ADAMDEC1: variants seen among roughly 807,000 people sequenced by gnomAD.
ADAMDEC1 encodes the protein ADAM like decysin 1.
A neutral mutation model predicts 60.4 loss-of-function variants in ADAMDEC1; 62 were observed. The ratio of observed to expected loss-of-function variants is 1.03; its 90% confidence interval spans 0.84 to 1.27. The LOEUF (loss-of-function observed/expected upper bound fraction) is 1.27. Among genes scored for constraint, ADAMDEC1 ranks in the 50% most tolerant of loss-of-function variants. The pLI, the probability that ADAMDEC1 is intolerant of heterozygous loss-of-function variation, is 0.00. For synonymous variants in ADAMDEC1, 210 were observed against 195.1 expected, an observed-to-expected ratio of 1.08 and a Z score of -0.64; for missense variants, 595 against 565.0, an observed-to-expected ratio of 1.05 and a Z score of -0.54.
intron 2 of ADAMDEC1, among the ~76,000 whole-genome samples, chr8:24,392,866 A>AATTCTTAGTGGGTTG (rs1817481382): frequency 9.2e-6 from 1 of 109,256 alleles, no homozygotes; most frequent in Non-Finnish European, 2.0e-5. Context: ...ATTGTTACCT[A>AATTCTTAGTGGGTTG]ATTCTTAGTG....
At chr8:24,397,825 C>T in intron 7 of ADAMDEC1, 80 bp downstream of exon 7, 1 of 1,345,852 alleles carries the variant, frequency 7.4e-7, no homozygotes, top group South Asian at 1.3e-5. Flanking sequence ...AAGCAATAAA[C>T]TATTTTAGCT....
At chr8:24,389,165 G>A (rs959677353) in intron 1 of ADAMDEC1, among the ~76,000 whole-genome samples, 3 of 152,142 alleles carry the variant, frequency 2.0e-5, no homozygotes, top group Non-Finnish European at 4.4e-5. Context: ...TGCCAGATTA[G>A]CATCCAAGAT....
At chr8:24,405,210 T>C (rs963191175) in intron 13 of ADAMDEC1, 82 bp from the exon 14 acceptor site, 4 of 1,287,208 alleles carry the variant, frequency 3.1e-6, no homozygotes, top group Admixed American at 3.6e-5. Flanking sequence ...TTAAATTCTA[T>C]ACATTTTCAT....
At chr8:24,386,559 T>C (rs1817298578) in intron 1 of ADAMDEC1, among the ~76,000 whole-genome samples, 1 of 152,144 alleles carries the variant, frequency 6.6e-6, no homozygotes, top group South Asian at 2.1e-4. Flanking sequence ...TGATCAGCCT[T>C]ACCTTCTGCT....
At chr8:24,402,922 A>G (rs1008622703) in intron 12 of ADAMDEC1, among the ~76,000 whole-genome samples, 10 of 152,184 alleles carry the variant, frequency 6.6e-5, no homozygotes, top group Admixed American at 1.3e-4. Flanking sequence ...TTGACATTTT[A>G]TAGCAAATTA....
At chr8:24,396,579 T>A (rs371403413) in intron 5 of ADAMDEC1, among the ~76,000 whole-genome samples, 3 of 152,214 alleles carry the variant, frequency 2.0e-5, no homozygotes, top group African/African-American at 7.2e-5. Context: ...ATCACTGTTA[T>A]TAACATTTTG....
chr8:24,398,628 C>T (rs1817677388), intron 8 of ADAMDEC1, 77 bp downstream of exon 8: 1 of 1,170,122 alleles, frequency 8.5e-7, no homozygotes, highest in African/African-American at 1.6e-5. Flanking sequence ...ATTTCACCAA[C>T]AAGAAGTTAA....
intron 1 of ADAMDEC1, among the ~76,000 whole-genome samples, chr8:24,385,090 T>C (rs970062620): frequency 2.0e-5 from 3 of 152,134 alleles, no homozygotes; most frequent in African/African-American, 7.2e-5. Flanking sequence ...TTGAGATTGA[T>C]TATTGATATT....
intron 11 of ADAMDEC1, 54 bp from the exon 12 acceptor site, chr8:24,401,861 C>A: frequency 7.5e-7 from 1 of 1,340,144 alleles, no homozygotes; most frequent in Non-Finnish European, 1.0e-6. Flanking sequence ...CTGTGTTTCA[C>A]GCAGAAGGCA....
chr8:24,399,136 A>T (rs965490295), intron 9 of ADAMDEC1, 96 bp downstream of exon 9: 2 of 1,381,800 alleles, frequency 1.4e-6, no homozygotes, highest in Non-Finnish European at 2.0e-6. Context: ...TTCCCTGATC[A>T]ACTGTCAGAG....
rs763680677 is a variant in ADAMDEC1 at position 24,397,316 on chromosome 8, A to G, written c.487A>G (p.Lys163Glu). The change falls in exon 6 of 14, where the codon AAA (lysine) becomes GAA (glutamate). Residue 163 changes from lysine (K) to glutamate (E), a missense_variant. Transcript: ENST00000256412. ...HHQRYQIKPL[K>E]STDEKEHAVF... is the part of the protein sequence containing the mutation. ...CCAAAGATACCAGATAAAACCTCTGAAAAGCACAGACGAGAAAGAACATGC... is the reference window on the plus strand; with the variant it reads ...CCAAAGATACCAGATAAAACCTCTGGAAAGCACAGACGAGAAAGAACATGC... 105 of 1,613,886 alleles carry G rather than the reference A, an allele frequency of 6.5e-5. No homozygotes were observed. The highest frequency in any genetic ancestry group is 6.4e-4 in the South Asian group (58 of 91,074).
At chr8:24,401,172 T>C (rs969251433) in intron 11 of ADAMDEC1, among the ~76,000 whole-genome samples, 1 of 152,134 alleles carries the variant, frequency 6.6e-6, no homozygotes, top group East Asian at 1.9e-4. Context: ...TTAATTCAAC[T>C]TCCAGTCTCT....
intron 12 of ADAMDEC1, 110 bp downstream of exon 12, chr8:24,402,202 AAGG>A: frequency 9.8e-7 from 1 of 1,016,654 alleles, no homozygotes; most frequent in Non-Finnish European, 1.4e-6. Flanking sequence ...CGTAGTTAAA[AAGG>A]AGATTTGTGC....
chr8:24,403,075 G>A (rs1275610024), intron 12 of ADAMDEC1, among the ~76,000 whole-genome samples: 1 of 152,036 alleles, frequency 6.6e-6, no homozygotes, highest in Non-Finnish European at 1.5e-5. Flanking sequence ...AGGGGGAAAG[G>A]ATGAAGGAAG....
intron 1 of ADAMDEC1, among the ~76,000 whole-genome samples, chr8:24,388,481 T>C (rs767479426): frequency 4.6e-5 from 7 of 152,116 alleles, no homozygotes; most frequent in Non-Finnish European, 1.0e-4. Flanking sequence ...TCTCTTTCTT[T>C]CTCTGCCTTC....
rs201413601 is a variant in ADAMDEC1, at chr8:24,384,574, C to T, written c.70C>T (p.Leu24Phe). 40 of 1,610,632 alleles carry T rather than the reference C, an allele frequency of 2.5e-5. No homozygotes were observed. Among genetic ancestry groups the T allele is most frequent in the Non-Finnish European group, 3.3e-5 (39 of 1,178,454 alleles). The change falls in exon 1 of 14, where the codon CTC (leucine) becomes TTC (phenylalanine). Residue 24 changes from leucine to phenylalanine, a missense_variant. Physicochemically the swap from Leu to Phe is conservative, Grantham distance 22 (BLOSUM62 0). Transcript: ENST00000256412. ...MSWVLLPVLW[L>F]IVQTQAIAIK... ...TTGGGTCCTGCTGCCTGTACTTTGG[C>T]TCATTGTTCAAACTCAAGGTACGTA... is the stretch of plus-strand genomic sequence containing the variant.
chr8:24,400,677 G>A (rs1210687160), intron 11 of ADAMDEC1, among the ~76,000 whole-genome samples: 1 of 150,892 alleles, frequency 6.6e-6, no homozygotes, highest in African/African-American at 2.5e-5. Flanking sequence ...TAGGGTACAT[G>A]TGCACAACCT....
At chr8:24,401,133 A>G (rs1817755817) in intron 11 of ADAMDEC1, among the ~76,000 whole-genome samples, 1 of 152,122 alleles carries the variant, frequency 6.6e-6, no homozygotes. Flanking sequence ...TTGAATGGAC[A>G]TATCTTTTCC....
chr8:24,390,718 TCAAAA>T (rs10544922), intron 1 of ADAMDEC1, among the ~76,000 whole-genome samples: 143,782 of 150,632 alleles, frequency 0.95, 68,887 homozygotes, highest in East Asian at 1. Context: ...AGACTCTGTC[TCAAAA>T]CAAAACAAAA....
Sources: allele counts gnomAD v4.1 joint callset (sites outside exome capture counted in the v4.1 genomes callset), GRCh38; gene constraint gnomAD v4.1.1; transcripts MANE v1.5; gene names NCBI Gene and HGNC (gene_info 2026-07-23, HGNC 2026-07-21).